Variants in BRINP3 observed in about 807,000 individuals in gnomAD.
BRINP3 encodes BMP/retinoic acid-inducible neural-specific protein 3.
In BRINP3, 19 loss-of-function variants were observed where a neutral mutation model predicts 71.0. The observed-to-expected ratio is 0.27, with a 90% CI of 0.19 to 0.39. The LOEUF (loss-of-function observed/expected upper bound fraction) is 0.39. BRINP3 is among the 10% of genes least tolerant of loss of function. The pLI is 1.00. For synonymous variants in BRINP3, 380 were observed against 337.7 expected, an observed-to-expected ratio of 1.13 and a Z score of -1.37; for missense variants, 959 against 940.8, an observed-to-expected ratio of 1.02 and a Z score of -0.25.
At chr1:190,341,651 A>G (rs1211956039) in intron 2 of BRINP3, among the ~76,000 whole-genome samples, 1 of 151,836 alleles carries the variant, frequency 6.6e-6, no homozygotes, top group Non-Finnish European at 1.5e-5. Flanking sequence ...TGGCTTTACA[A>G]GATGACATTA....
At chr1:190,455,696 T>C (rs189116025) in intron 1 of BRINP3, among the ~76,000 whole-genome samples, 4 of 152,234 alleles carry the variant, frequency 2.6e-5, no homozygotes, top group Admixed American at 2.6e-4. Flanking sequence ...TCTTTAAAGA[T>C]TTAAATGTGC....
At chr1:190,444,274 C>T (rs1217672826) in intron 2 of BRINP3, among the ~76,000 whole-genome samples, 1 of 99,790 alleles carries the variant, frequency 1.0e-5, no homozygotes, top group Admixed American at 1.1e-4. Flanking sequence ...AAAAAAAATC[C>T]CTTTGTTCTC....
chr1:190,172,521 T>C (rs1234193942), intron 6 of BRINP3, among the ~76,000 whole-genome samples: 2 of 152,154 alleles, frequency 1.3e-5, no homozygotes, highest in African/African-American at 4.8e-5. Flanking sequence ...GTTTAGTTTA[T>C]TGATTCCCAA....
intron 2 of BRINP3, among the ~76,000 whole-genome samples, chr1:190,385,641 A>G (rs1372572822): frequency 2.6e-5 from 4 of 151,882 alleles, no homozygotes; most frequent in African/African-American, 7.2e-5. Context: ...TGGGACTGTA[A>G]ACTAGTTCAA....
At chr1:190,166,655 G>T (rs1651565838) in intron 6 of BRINP3, among the ~76,000 whole-genome samples, 1 of 152,108 alleles carries the variant, frequency 6.6e-6, no homozygotes, top group African/African-American at 2.4e-5. Flanking sequence ...TAATGGTAAT[G>T]GTTAGTTGGT....
intron 2 of BRINP3, among the ~76,000 whole-genome samples, chr1:190,342,977 G>A (rs1339864390): frequency 6.6e-6 from 1 of 151,778 alleles, no homozygotes; most frequent in African/African-American, 2.4e-5. Context: ...GTTTAAGGAG[G>A]TAGACTTCAT....
At chr1:190,254,422 A>G (rs997290372) in intron 4 of BRINP3, among the ~76,000 whole-genome samples, 2 of 151,888 alleles carry the variant, frequency 1.3e-5, no homozygotes, top group African/African-American at 2.4e-5. Flanking sequence ...ATGTTCTTCC[A>G]TTGGTTTGTG....
At chr1:190,215,697 T>G (rs1656350667) in intron 6 of BRINP3, among the ~76,000 whole-genome samples, 1 of 151,934 alleles carries the variant, frequency 6.6e-6, no homozygotes. Flanking sequence ...AAATGGATAG[T>G]GTTCTCTAAC....
intron 6 of BRINP3, among the ~76,000 whole-genome samples, chr1:190,164,342 A>G (rs1651287041): frequency 6.6e-6 from 1 of 152,112 alleles, no homozygotes; most frequent in Admixed American, 6.6e-5. Flanking sequence ...ATTTGTAAGT[A>G]ATTTCTTGAG....
At chr1:190,192,533 T>C (rs1287653934) in intron 6 of BRINP3, among the ~76,000 whole-genome samples, 1 of 151,412 alleles carries the variant, frequency 6.6e-6, no homozygotes, top group Non-Finnish European at 1.5e-5. Context: ...GTTTTTTTTT[T>C]CAAGGAAGCC....
Position 190,226,168 on chromosome 1 carries a change from G to A in BRINP3, c.875C>T (p.Pro292Leu). ...TTCCATGGCTTGAATGTCCATGGAG[G>A]GGCAGTTGCATTCTGGAAATTTGGG... is the stretch of plus-strand genomic sequence containing the variant. Reference protein sequence around the residue: ...CGPKFPECNCPSMDIQAMEEN... With the variant: ...CGPKFPECNCLSMDIQAMEEN... The change falls in exon 6 of 8, where the codon CCC (proline) becomes CTC (leucine). Residue 292 changes from proline (P) to leucine (L), a missense_variant. Transcript: ENST00000367462. 1.9e-6 allele frequency: 3 copies of A among 1,612,466 alleles called. No individual in the cohort carries two copies. Among genetic ancestry groups the A allele is most frequent in the Non-Finnish European group, 2.5e-6 (3 of 1,179,044 alleles).
Position 190,226,245 on chromosome 1 carries a change from A to G in BRINP3, c.798T>C (p.Asn266=). ...VQAALSYIAC[N]SEGEFICKEN... Reference sequence around the variant, plus strand: ...CCTTGCAGATAAACTCTCCCTCTGAATTGCAAGCAATGTAGCTCAAAGCTG... The same window carrying G: ...CCTTGCAGATAAACTCTCCCTCTGAGTTGCAAGCAATGTAGCTCAAAGCTG... Residue 266 remains asparagine (N), a synonymous_variant, in exon 6 of 8, where the codon AAT becomes AAC. Transcript: ENST00000367462. 1.2e-6 allele frequency: 2 copies of G among 1,612,484 alleles called. No individual in the cohort carries two copies. Among genetic ancestry groups the G allele is most frequent in the Non-Finnish European group, 1.7e-6 (2 of 1,179,074 alleles).
intron 6 of BRINP3, among the ~76,000 whole-genome samples, chr1:190,177,329 A>ATTTTTTTTTTTTT (rs11307442): frequency 3.0e-5 from 3 of 98,726 alleles, no homozygotes; most frequent in Non-Finnish European, 5.7e-5. Flanking sequence ...TGCCTGGATA[A>ATTTTTTTTTTTTT]TTTTTTTTTT....
intron 2 of BRINP3, among the ~76,000 whole-genome samples, chr1:190,412,414 T>TATATAC (rs1553314831): frequency 8.5e-5 from 12 of 141,270 alleles, no homozygotes; most frequent in East Asian, 6.2e-4. Flanking sequence ...TATATATATA[T>TATATAC]ACACTTTTTT....
intron 4 of BRINP3, among the ~76,000 whole-genome samples, chr1:190,236,054 G>A (rs1026108164): frequency 8.6e-5 from 13 of 152,010 alleles, no homozygotes; most frequent in African/African-American, 2.9e-4. Flanking sequence ...GAGAAACTTC[G>A]TAGTATGGAG....
At chr1:190,248,386 A>C (rs755454887) in intron 4 of BRINP3, among the ~76,000 whole-genome samples, 12 of 151,504 alleles carry the variant, frequency 7.9e-5, no homozygotes, top group Non-Finnish European at 1.3e-4. Context: ...AATAATTGAA[A>C]ACTCTTACTC....
intron 7 of BRINP3, among the ~76,000 whole-genome samples, chr1:190,134,502 C>T (rs1394874258): frequency 1.3e-5 from 2 of 151,778 alleles, no homozygotes; most frequent in Non-Finnish European, 2.9e-5. Context: ...AAAAGAAGGG[C>T]GGGAGTGAAA....
intron 2 of BRINP3, among the ~76,000 whole-genome samples, chr1:190,402,086 C>T (rs891918226): frequency 1.3e-5 from 2 of 151,938 alleles, no homozygotes; most frequent in African/African-American, 4.8e-5. Context: ...CATAATCATA[C>T]TTATCACTAG....
chr1:190,185,721 G>A (rs1653453047), intron 6 of BRINP3, among the ~76,000 whole-genome samples: 1 of 151,952 alleles, frequency 6.6e-6, no homozygotes, highest in African/African-American at 2.4e-5. Flanking sequence ...ACAAATATTT[G>A]ATCTAAAAAT....
Sources: gnomAD v4.1 joint callset for allele counts (sites outside exome capture counted in the v4.1 genomes callset) on GRCh38, gnomAD v4.1.1 for gene constraint, MANE v1.5 for transcripts, NCBI Gene and HGNC (gene_info 2026-07-23, HGNC 2026-07-21) for gene names.